Variants in CNTN5 observed in about 807,000 individuals in gnomAD.
CNTN5 encodes the protein contactin-5.
CNTN5 carries 77 observed loss-of-function variants against 129.1 expected under a neutral mutation model. The observed-to-expected ratio is 0.60, with a 90% CI of 0.50 to 0.72. The LOEUF (loss-of-function observed/expected upper bound fraction) is 0.72, where lower values mean the gene tolerates loss of function less well. CNTN5 is among the 30% of genes least tolerant of loss of function. The pLI, the probability that CNTN5 is intolerant of heterozygous loss-of-function variation, is 0.00. For missense variants in CNTN5, 1,478 were observed against 1,328.8 expected (o/e 1.11, Z -1.75); for synonymous variants, 509 against 465.6 (o/e 1.09, Z -1.20).
At chr11:99,948,737 A>G (rs1950606923) in intron 7 of CNTN5, among the ~76,000 whole-genome samples, 1 of 152,216 alleles carries the variant, frequency 6.6e-6, no homozygotes, top group Non-Finnish European at 1.5e-5. Flanking sequence ...CATAGAGCAC[A>G]CTGCCTGGCA....
chr11:99,615,145 G>GA (rs1229018968), intron 3 of CNTN5, among the ~76,000 whole-genome samples: 13 of 150,506 alleles, frequency 8.6e-5, no homozygotes, highest in Non-Finnish European at 1.8e-4. Flanking sequence ...GAGTGAATAA[G>GA]AAAAAATTTA....
chr11:99,729,864 C>T (rs1004465636), intron 3 of CNTN5, among the ~76,000 whole-genome samples: 2 of 152,060 alleles, frequency 1.3e-5, no homozygotes, highest in Non-Finnish European at 2.9e-5. Flanking sequence ...CACATGGACA[C>T]GGGGAGGGGA....
chr11:99,840,372 T>C (rs1366892348), intron 4 of CNTN5, among the ~76,000 whole-genome samples: 1 of 152,148 alleles, frequency 6.6e-6, no homozygotes, highest in Non-Finnish European at 1.5e-5. Context: ...AAGTATCTAG[T>C]CTCATAATAA....
intron 3 of CNTN5, among the ~76,000 whole-genome samples, chr11:99,637,919 A>G (rs1951625687): frequency 1.3e-5 from 2 of 152,180 alleles, no homozygotes; most frequent in South Asian, 4.1e-4. Flanking sequence ...CTTCATGTTA[A>G]GTGTTAAGAG....
chr11:100,082,460 T>C (rs1944402148), intron 13 of CNTN5, among the ~76,000 whole-genome samples: 1 of 152,096 alleles, frequency 6.6e-6, no homozygotes, highest in Non-Finnish European at 1.5e-5. Context: ...GAAAATTTTT[T>C]TAATTTGTTT....
Position 99,881,797 on chromosome 11 carries a change from G to GT in CNTN5, c.578-34256dup, listed in dbSNP as rs371451316. ...CAAAGCTAGCTCTCCCTCCAGCCGTGTATCGCAGAGCTTGCAGTTTATTCA... is the reference window on the plus strand; with the variant it reads ...CAAAGCTAGCTCTCCCTCCAGCCGTGTTATCGCAGAGCTTGCAGTTTATTCA... On this transcript the variant is annotated intron_variant, in intron 6 of 24. Coordinates refer to ENST00000524871, the MANE Select transcript of CNTN5 (RefSeq NM_014361.4). Among the ~76,000 whole-genome samples, 354 of 152,332 alleles carry GT rather than the reference G, an allele frequency of 2.3e-3. 3 individuals are homozygous for GT. The highest frequency in any genetic ancestry group is 8.1e-3 in the African/African-American group (335 of 41,580).
intron 2 of CNTN5, among the ~76,000 whole-genome samples, chr11:99,375,305 A>AAAAG (rs1468185971): frequency 1.5e-4 from 22 of 147,368 alleles, no homozygotes; most frequent in African/African-American, 4.2e-4. Context: ...TCTGTCTCAA[A>AAAAG]AAAAAAAAAA....
intron 1 of CNTN5, among the ~76,000 whole-genome samples, chr11:99,256,173 G>A (rs1388663673): frequency 6.6e-6 from 1 of 152,008 alleles, no homozygotes; most frequent in Non-Finnish European, 1.5e-5. Context: ...ATTTTATCTG[G>A]TGTTTTACCC....
chr11:99,539,319 A>C (rs2135490189), intron 2 of CNTN5, among the ~76,000 whole-genome samples: 1 of 152,226 alleles, frequency 6.6e-6, no homozygotes, highest in South Asian at 2.1e-4. Flanking sequence ...TAGTCTTATA[A>C]ATCTTTAAAC....
At chr11:99,965,837 A>T (rs1951079869) in intron 8 of CNTN5, among the ~76,000 whole-genome samples, 1 of 152,092 alleles carries the variant, frequency 6.6e-6, no homozygotes, top group African/African-American at 2.4e-5. Flanking sequence ...AAAAACTTTC[A>T]CATCACTATT....
intron 1 of CNTN5, among the ~76,000 whole-genome samples, chr11:99,281,349 C>T (rs1863685870): frequency 6.6e-6 from 1 of 151,962 alleles, no homozygotes; most frequent in African/African-American, 2.4e-5. Context: ...ACTGCCAGAT[C>T]TAGAGTGAGG....
intron 16 of CNTN5, among the ~76,000 whole-genome samples, chr11:100,227,240 CT>C (rs1949396078): frequency 6.6e-6 from 1 of 152,026 alleles, no homozygotes; most frequent in African/African-American, 2.4e-5. Flanking sequence ...ACGGGAACAA[CT>C]TTTTTATTGT....
chr11:99,905,139 T>C (rs1044239297), intron 6 of CNTN5, among the ~76,000 whole-genome samples: 3 of 152,214 alleles, frequency 2.0e-5, no homozygotes, highest in South Asian at 2.1e-4. Context: ...AGCTCTTTAG[T>C]TTAATTAGAT....
intron 1 of CNTN5, among the ~76,000 whole-genome samples, chr11:99,192,511 A>C (rs998656689): frequency 2.6e-5 from 4 of 151,980 alleles, no homozygotes; most frequent in African/African-American, 7.2e-5. Flanking sequence ...CACCATACTT[A>C]AATGTATAAA....
At chr11:100,145,905 G>A (rs1051154937) in intron 13 of CNTN5, among the ~76,000 whole-genome samples, 8 of 152,096 alleles carry the variant, frequency 5.3e-5, no homozygotes, top group African/African-American at 1.9e-4. Flanking sequence ...TCCATTAATA[G>A]CCGTTCTCTA....
intron 6 of CNTN5, among the ~76,000 whole-genome samples, chr11:99,879,347 A>G (rs908465062): frequency 6.6e-6 from 1 of 152,200 alleles, no homozygotes; most frequent in Admixed American, 6.5e-5. Context: ...ACAAAACTGC[A>G]TGAAAGCTTC....
chr11:99,849,609 G>A (rs909003744), intron 6 of CNTN5, among the ~76,000 whole-genome samples: 32 of 151,930 alleles, frequency 2.1e-4, no homozygotes, highest in African/African-American at 7.5e-4. Context: ...TCTGGTGGTA[G>A]GTAGGATAAC....
intron 3 of CNTN5, among the ~76,000 whole-genome samples, chr11:99,718,078 C>T (rs1943041090): frequency 6.6e-6 from 1 of 152,116 alleles, no homozygotes; most frequent in Non-Finnish European, 1.5e-5. Flanking sequence ...ATATAACTCT[C>T]CTTAATAGAA....
chr11:99,976,077 C>T (rs946071276), intron 8 of CNTN5, among the ~76,000 whole-genome samples: 1 of 152,204 alleles, frequency 6.6e-6, no homozygotes, highest in African/African-American at 2.4e-5. Flanking sequence ...AACCAAGGGG[C>T]TACAGGCCCC....
Sources: gnomAD v4.1 joint callset for allele counts (sites outside exome capture counted in the v4.1 genomes callset) on GRCh38, gnomAD v4.1.1 for gene constraint, MANE v1.5 for transcripts, NCBI Gene and HGNC (gene_info 2026-07-23, HGNC 2026-07-21) for gene names.